Variants in NRDE2 observed in about 807,000 individuals in gnomAD.
NRDE2 encodes NRDE-2, necessary for RNA interference, domain containing.
Under a neutral mutation model 124.2 loss-of-function variants are expected in NRDE2, and 76 were observed. That is an observed-to-expected ratio of 0.61 (90% CI 0.51 to 0.74). The LOEUF (loss-of-function observed/expected upper bound fraction) is 0.74, where lower values mean the gene tolerates loss of function less well. Among genes scored for constraint, NRDE2 ranks in the 30% least tolerant of loss-of-function variants. The pLI is 0.00. For synonymous variants in NRDE2, 489 were observed against 528.1 expected, an observed-to-expected ratio of 0.93 and a Z score of 1.01; for missense variants, 1,314 against 1,417.3, an observed-to-expected ratio of 0.93 and a Z score of 1.17.
rs1438332947 is a variant in NRDE2 at position 90,315,944 on chromosome 14, T to C, written c.407+634A>G. 9.0e-5 allele frequency among the ~76,000 whole-genome samples: 9 copies of C among 100,328 alleles called. No homozygotes were observed. The Admixed American group carries it at 1.4e-3, about 15-fold the overall frequency. 65.8% of individuals were successfully genotyped at this position (100,328 alleles called of 152,430 possible). On this transcript the variant is annotated intron_variant, in intron 3 of 13. Transcript: ENST00000354366. ...TGCACTCCAGCGTGGGCAACTGGAG[T>C]GAAACCCCGTCTCAAAAAAAAAAAA...
rs1891696282 is a variant in NRDE2, at chr14:90,272,517, G to A, written c.*5819C>T. 1.4e-6 allele frequency: 1 copy of A among 690,130 alleles called. No individual in the cohort carries two copies. Among genetic ancestry groups the A allele is most frequent in the Non-Finnish European group, 2.4e-6 (1 of 413,928 alleles). 42.8% of individuals were successfully genotyped at this position (690,130 alleles called of 1,614,324 possible). A position where few individuals can be genotyped will look rare whatever the true frequency, so the allele number is the denominator to read the frequency against. ...TCCCTGTTCCCACTGATTTTTATTA[G>A]CAAAACATCCTGTGTCTTTTGGAGT... On this transcript the variant is annotated 3_prime_UTR_variant, in exon 14 of 14. Coordinates refer to ENST00000354366, the MANE Select transcript of NRDE2 (RefSeq NM_017970.4). This position sits in a 1 kb window ranked among gnomAD's most constrained non-coding sequence, Gnocchi z 4.5.
chr14:90,307,290 C>T (rs1297434908), intron 4 of NRDE2, among the ~76,000 whole-genome samples: 2 of 152,184 alleles, frequency 1.3e-5, no homozygotes, highest in Non-Finnish European at 2.9e-5. Context: ...ATTTATTTAA[C>T]CATTTCCCAA....
rs569337115 is a variant in NRDE2, at chr14:90,316,843, T to C, written c.174-32A>G. ...GGGAAAATCAACTTTAAAATTACTT[T>C]CTAAAAAGATGTAGGAAAAATAATA... is the stretch of plus-strand genomic sequence containing the variant. On this transcript the variant is annotated intron_variant, in intron 2 of 13. Coordinates refer to ENST00000354366, the MANE Select transcript of NRDE2 (RefSeq NM_017970.4). 4 of 1,402,960 alleles carry C rather than the reference T, an allele frequency of 2.9e-6. No homozygotes were observed. The South Asian group carries it at 5.0e-5, about 18-fold the overall frequency. The allele number at this position is 1,402,960 out of a possible 1,614,324, so 86.9% of individuals were successfully genotyped here.
In NRDE2 at chr14:90,272,077, A is replaced by G; in HGVS notation, c.*6259T>C. 1 of 419,136 alleles carries G rather than the reference A, an allele frequency of 2.4e-6. No individual in the cohort carries two copies. The highest frequency in any genetic ancestry group is 2.5e-5 in the South Asian group (1 of 40,262). 26.0% of individuals were successfully genotyped at this position (419,136 alleles called of 1,614,324 possible). A position where few individuals can be genotyped will look rare whatever the true frequency, so the allele number is the denominator to read the frequency against. On this transcript the variant is annotated 3_prime_UTR_variant, in exon 14 of 14. Coordinates refer to ENST00000354366, the MANE Select transcript of NRDE2 (RefSeq NM_017970.4). This position sits in a 1 kb window ranked among gnomAD's most constrained non-coding sequence, Gnocchi z 4.5. Reference sequence around the variant, plus strand: ...CTGGCTAACTTTTTGTATTTTTAGTAGAGATGGGGTTTCACCGTGTTGGCC... The same window carrying G: ...CTGGCTAACTTTTTGTATTTTTAGTGGAGATGGGGTTTCACCGTGTTGGCC...
At chr14:90,299,546 G>A (rs1434731509) in intron 7 of NRDE2, among the ~76,000 whole-genome samples, 1 of 152,198 alleles carries the variant, frequency 6.6e-6, no homozygotes, top group Non-Finnish European at 1.5e-5. Flanking sequence ...CTCAGTGAAA[G>A]CTTTTGTAAG....
intron 1 of NRDE2, among the ~76,000 whole-genome samples, chr14:90,327,882 A>G (rs8010089): frequency 1 from 152,130 of 152,302 alleles, 75,979 homozygotes; most frequent in Middle Eastern, 1. Context: ...AGTGGCTCAC[A>G]CCTGTAATCC....
At position 90,269,127 on chromosome 14, in the gene NRDE2, C is replaced by CT. The variant is rs1233685228; in HGVS notation, c.*9208dup. ...GAAGGAACTCATGCTGTATAAGGCTCTGCCTCATGCCTTTAGCCCTTTCCA... is the reference window on the plus strand; with the variant it reads ...GAAGGAACTCATGCTGTATAAGGCTCTTGCCTCATGCCTTTAGCCCTTTCCA... On this transcript the variant is annotated 3_prime_UTR_variant, in exon 14 of 14. Coordinates refer to ENST00000354366, the MANE Select transcript of NRDE2 (RefSeq NM_017970.4). The CT allele has an allele frequency of 2.0e-5, 8 of 400,058 alleles. No individual in the cohort carries two copies. Among genetic ancestry groups the CT allele is most frequent in the African/African-American group, 1.6e-4 (8 of 49,350 alleles). 24.8% of individuals were successfully genotyped at this position (400,058 alleles called of 1,614,324 possible).
Position 90,272,591 on chromosome 14 carries a change from T to A in NRDE2, c.*5745A>T. On this transcript the variant is annotated 3_prime_UTR_variant, in exon 14 of 14. Coordinates refer to ENST00000354366, the MANE Select transcript of NRDE2 (RefSeq NM_017970.4). The surrounding 1 kb of genome is among the most constrained non-coding windows in gnomAD (Gnocchi z 4.5). ...TGGCCTGTTGGTCACTGTGCAGCAG[T>A]CTGCTTCCCAATAAAGCGTGCTCTT... 1.9e-6 allele frequency: 1 copy of A among 521,262 alleles called. No homozygotes were observed. The highest frequency in any genetic ancestry group is 3.5e-6 in the Non-Finnish European group (1 of 288,048). 32.3% of individuals were successfully genotyped at this position (521,262 alleles called of 1,614,324 possible).
Position 90,288,543 on chromosome 14 carries a change from G to A in NRDE2, c.2832C>T (p.Gly944=), listed in dbSNP as rs77706095. ...LNSSVFPEGS[G]EGDSASSQSW... The stretch of plus-strand genomic sequence containing the variant: ...TCTGGGAGCTGGCACTGTCCCCCTC[G>A]CCAGAGCCTTCTGGGAAAACAGAAC... Residue 944 remains glycine (G), a synonymous_variant, in exon 11 of 14, where the codon GGC becomes GGT. Coordinates refer to ENST00000354366, the MANE Select transcript of NRDE2 (RefSeq NM_017970.4). The A allele has an allele frequency of 8.7e-5, 140 of 1,614,112 alleles. 2 individuals carry two copies. In the African/African-American group the frequency reaches 1.0e-3, roughly 12 times the overall value.
At chr14:90,319,069 C>T (rs1212613064) in intron 1 of NRDE2, among the ~76,000 whole-genome samples, 1 of 152,140 alleles carries the variant, frequency 6.6e-6, no homozygotes. Context: ...CTTCTTTCTG[C>T]TTACCCCTAA....
intron 7 of NRDE2, 71 bp downstream of exon 7, chr14:90,301,168 T>A (rs1331107774): frequency 4.0e-6 from 6 of 1,509,842 alleles, no homozygotes; most frequent in Non-Finnish European, 5.5e-6. Flanking sequence ...CCTCTCATTA[T>A]CCACACCTTC....
At chr14:90,302,118 T>G (rs908607877) in intron 6 of NRDE2, among the ~76,000 whole-genome samples, 1 of 152,188 alleles carries the variant, frequency 6.6e-6, no homozygotes, top group Non-Finnish European at 1.5e-5. Context: ...GTTTATAGTA[T>G]TGTTGCTGAT....
chr14:90,307,171 C>T (rs542062428), intron 4 of NRDE2, among the ~76,000 whole-genome samples: 1 of 152,262 alleles, frequency 6.6e-6, no homozygotes, highest in South Asian at 2.1e-4. Context: ...GTTGATATCA[C>T]ATAGTTTCAG....
chr14:90,280,596 GA>G, intron 12 of NRDE2: 1 of 152,440 alleles, frequency 6.6e-6, no homozygotes, highest in East Asian at 1.9e-4. Flanking sequence ...CGGAGGTATG[GA>G]AGGGCTGGAT....
chr14:90,298,268 A>C lies in NRDE2; in HGVS notation c.1658T>G (p.Ile553Ser), dbSNP rs146810395. ...HQQERGGWVV[I>S]NPDEDDDEPE... The stretch of plus-strand genomic sequence containing the variant: ...AATGAGAGGTGACTTACCTGGGTTG[A>C]TGACCACCCAGCCACCTCGTTCCTG... Residue 553 changes from isoleucine (I) to serine (S), a missense_variant, in exon 8 of 14, where the codon ATC becomes AGC. Physicochemically the swap from Ile to Ser is moderately radical, Grantham distance 142. Coordinates refer to ENST00000354366, the MANE Select transcript of NRDE2 (RefSeq NM_017970.4). 1.0e-4 allele frequency: 164 copies of C among 1,613,596 alleles called. No individual in the cohort carries two copies. The highest frequency in any genetic ancestry group is 9.3e-4 in the African/African-American group (70 of 75,058).
intron 12 of NRDE2, among the ~76,000 whole-genome samples, chr14:90,281,763 T>G (rs759811858): frequency 3.3e-5 from 5 of 152,248 alleles, no homozygotes; most frequent in African/African-American, 1.2e-4. Context: ...CAATTTTTTA[T>G]GTAACAAAAC....
Position 90,272,609 on chromosome 14 carries a change from G to A in NRDE2, c.*5727C>T, listed in dbSNP as rs942766645. On this transcript the variant is annotated 3_prime_UTR_variant, in exon 14 of 14. Coordinates refer to ENST00000354366, the MANE Select transcript of NRDE2 (RefSeq NM_017970.4). The surrounding 1 kb of genome is among the most constrained non-coding windows in gnomAD (Gnocchi z 4.5). ...GCAGCAGTCTGCTTCCCAATAAAGC[G>A]TGCTCTTTCACAAACACTTCCTGTT... The A allele has an allele frequency of 4.1e-5, 20 of 484,672 alleles. No individual in the cohort carries two copies. Among genetic ancestry groups the A allele is most frequent in the African/African-American group, 3.2e-4 (16 of 49,902 alleles). 30.0% of individuals were successfully genotyped at this position (484,672 alleles called of 1,614,324 possible). A position where few individuals can be genotyped will look rare whatever the true frequency, so the allele number is the denominator to read the frequency against.
chr14:90,288,301 G>A lies in NRDE2; in HGVS notation c.3074C>T (p.Thr1025Ile). 6.2e-7 allele frequency: 1 copy of A among 1,614,176 alleles called. No homozygotes were observed. The highest frequency in any genetic ancestry group is 1.1e-5 in the South Asian group (1 of 91,082). Residue 1025 changes from threonine (T) to isoleucine (I), a missense_variant, in exon 11 of 14, where the codon ACC becomes ATC. Coordinates refer to ENST00000354366, the MANE Select transcript of NRDE2 (RefSeq NM_017970.4). Reference sequence around the variant, plus strand: ...AGGCTCCAAGGGTTTGGCAGACCTGGTGATTGTGTCAAAAAATCTCCTGGT... The same window carrying A: ...AGGCTCCAAGGGTTTGGCAGACCTGATGATTGTGTCAAAAAATCTCCTGGT... The part of the protein sequence containing the change: ...SKTRRFFDTI[T>I]RSAKPLEPWL...
Position 90,318,116 on chromosome 14 carries a change from G to A in NRDE2, c.65-3C>T. 5 of 1,607,022 alleles carry A rather than the reference G, an allele frequency of 3.1e-6. No individual in the cohort carries two copies. Among genetic ancestry groups the A allele is most frequent in the Non-Finnish European group, 4.3e-6 (5 of 1,175,118 alleles). On this transcript the variant is annotated splice_polypyrimidine_tract_variant and splice_region_variant and intron_variant, in intron 1 of 13. Coordinates refer to ENST00000354366, the MANE Select transcript of NRDE2 (RefSeq NM_017970.4). ...TGGGTTGCTCAGCCAGTCTAACTCT[G>A]CACAGGCAAAAGGAGAAAAGATCAA...
Sources: gnomAD v4.1 joint callset for allele counts (sites outside exome capture counted in the v4.1 genomes callset) on GRCh38, gnomAD v4.1.1 for gene constraint, Gnocchi (gnomAD v3.1) non-coding constraint, MANE v1.5 for transcripts, NCBI Gene and HGNC (gene_info 2026-07-23, HGNC 2026-07-21) for gene names.